Variants in SLC35F3 observed in about 807,000 individuals in gnomAD.
SLC35F3 encodes putative thiamine transporter SLC35F3.
In SLC35F3, 25 loss-of-function variants were observed where a neutral mutation model predicts 49.9. That is an observed-to-expected ratio of 0.50 (90% CI 0.37 to 0.70). The LOEUF is 0.70. Among genes scored for constraint, SLC35F3 ranks in the 30% least tolerant of loss-of-function variants. The pLI, the probability that SLC35F3 is intolerant of heterozygous loss-of-function variation, is 0.00. For synonymous variants in SLC35F3, 275 were observed against 265.4 expected, an observed-to-expected ratio of 1.04 and a Z score of -0.35; for missense variants, 525 against 639.8, an observed-to-expected ratio of 0.82 and a Z score of 1.94.
intron 2 of SLC35F3, among the ~76,000 whole-genome samples, chr1:234,134,029 C>A (rs1450008729): frequency 1.3e-5 from 2 of 152,074 alleles, no homozygotes; most frequent in Non-Finnish European, 2.9e-5. Context: ...GCGTATAGAC[C>A]ATATGTCAGA....
rs550733178 is a variant in SLC35F3 at position 234,160,940 on chromosome 1, A to G, written c.284-70477A>G. ...CTTTGTCAACAATGCCATGTATGTCATCCATAAAATGCTAAATTAATAGGG... is the reference window on the plus strand; with the variant it reads ...CTTTGTCAACAATGCCATGTATGTCGTCCATAAAATGCTAAATTAATAGGG... On this transcript the variant is annotated intron_variant, in intron 2 of 7. Transcript: ENST00000366618. Among the ~76,000 whole-genome samples, 4 of 152,344 alleles carry G rather than the reference A, an allele frequency of 2.6e-5. 1 individual carries two copies. The South Asian group carries it at 6.2e-4, about 24-fold the overall frequency.
At chr1:234,206,320 C>T (rs983076021) in intron 2 of SLC35F3, among the ~76,000 whole-genome samples, 37 of 152,006 alleles carry the variant, frequency 2.4e-4, no homozygotes, top group Non-Finnish European at 3.8e-4. Context: ...GGAGGAGAGC[C>T]GGTTTCTCAG....
chr1:234,274,896 C>A (rs1257713678), intron 3 of SLC35F3, among the ~76,000 whole-genome samples: 1 of 152,192 alleles, frequency 6.6e-6, no homozygotes, highest in Non-Finnish European at 1.5e-5. Context: ...ATGCAGAATA[C>A]TAGAGAGGGA....
chr1:234,142,631 G>C (rs1415182988), intron 2 of SLC35F3, among the ~76,000 whole-genome samples: 1 of 151,744 alleles, frequency 6.6e-6, no homozygotes, highest in Admixed American at 6.6e-5. Context: ...GTCAGGCTCT[G>C]TGCCTTTGAT....
intron 2 of SLC35F3, among the ~76,000 whole-genome samples, chr1:233,931,734 G>A (rs995356869): frequency 5.9e-5 from 9 of 152,318 alleles, no homozygotes; most frequent in Middle Eastern, 3.4e-3. Flanking sequence ...AGACAGTGTG[G>A]CAATTCCTCA....
chr1:233,978,030 G>A (rs1412016936), intron 2 of SLC35F3, among the ~76,000 whole-genome samples: 6 of 152,304 alleles, frequency 3.9e-5, no homozygotes, highest in South Asian at 2.1e-4. Flanking sequence ...TCAGGTGTCC[G>A]GAAGCTATCC....
At chr1:234,172,283 G>A (rs1666410491) in intron 2 of SLC35F3, among the ~76,000 whole-genome samples, 1 of 152,110 alleles carries the variant, frequency 6.6e-6, no homozygotes. Flanking sequence ...ACCCAGGCTG[G>A]AGTGCAGTGG....
At chr1:233,921,964 A>G (rs1662069827) in intron 2 of SLC35F3, among the ~76,000 whole-genome samples, 1 of 152,130 alleles carries the variant, frequency 6.6e-6, no homozygotes, top group South Asian at 2.1e-4. Context: ...CCTACAAAGG[A>G]CATGAACTCA....
intron 2 of SLC35F3, among the ~76,000 whole-genome samples, chr1:234,098,063 G>A (rs1394619908): frequency 6.6e-6 from 1 of 150,988 alleles, no homozygotes; most frequent in African/African-American, 2.4e-5. Context: ...TTCAGATGGT[G>A]GTGGTAGTGA....
intron 3 of SLC35F3, among the ~76,000 whole-genome samples, chr1:234,259,687 GATA>G (rs199933955): frequency 0.016 from 2,462 of 150,716 alleles, 64 homozygotes; most frequent in African/African-American, 0.056. Flanking sequence ...TAATAATAAT[GATA>G]ATAATAATAA....
chr1:233,924,319 A>G (rs945022152), intron 2 of SLC35F3, among the ~76,000 whole-genome samples: 2 of 152,204 alleles, frequency 1.3e-5, no homozygotes, highest in East Asian at 3.8e-4. Flanking sequence ...CCTCAATTTC[A>G]GAGCCTGTTA....
At chr1:234,039,187 A>C (rs1664185537) in intron 2 of SLC35F3, among the ~76,000 whole-genome samples, 1 of 152,140 alleles carries the variant, frequency 6.6e-6, no homozygotes, top group African/African-American at 2.4e-5. Context: ...AAAAGAGAGG[A>C]GGCTAAATGA....
chr1:234,142,460 A>C (rs139207887), intron 2 of SLC35F3, among the ~76,000 whole-genome samples: 1 of 152,216 alleles, frequency 6.6e-6, no homozygotes, highest in Non-Finnish European at 1.5e-5. Flanking sequence ...GGGCTGCTGC[A>C]GTGAATGACT....
chr1:234,058,447 C>T (rs976647519), intron 2 of SLC35F3, among the ~76,000 whole-genome samples: 2 of 145,416 alleles, frequency 1.4e-5, no homozygotes, highest in Non-Finnish European at 3.0e-5. Context: ...CAGGAACAAG[C>T]AGGCCTCCCA....
At chr1:233,916,655 T>C (rs2102785200) in intron 2 of SLC35F3, among the ~76,000 whole-genome samples, 1 of 152,328 alleles carries the variant, frequency 6.6e-6, no homozygotes, top group Middle Eastern at 3.4e-3. Context: ...ATAGTACTGG[T>C]GTATAAGAAA....
chr1:233,957,009 G>A lies in SLC35F3; in HGVS notation c.283+51251G>A, dbSNP rs1662716545. 6.6e-6 allele frequency among the ~76,000 whole-genome samples: 1 copy of A among 152,236 alleles called. No homozygotes were observed. The highest frequency in any genetic ancestry group is 6.5e-5 in the Admixed American group (1 of 15,288). On this transcript the variant is annotated intron_variant, in intron 2 of 7. Coordinates refer to ENST00000366618, the MANE Select transcript of SLC35F3 (RefSeq NM_173508.4). This position sits in a 1 kb window ranked among gnomAD's most constrained non-coding sequence, Gnocchi z 4.0. The stretch of plus-strand genomic sequence containing the variant: ...TGGAGGGCATCGACCTCTTCTGCTA[G>A]CCACAGGAGCTAACCAGGACTGGAT...
chr1:234,172,463 G>A (rs1395389627), intron 2 of SLC35F3, among the ~76,000 whole-genome samples: 1 of 152,108 alleles, frequency 6.6e-6, no homozygotes, highest in Non-Finnish European at 1.5e-5. Flanking sequence ...ATGACCTCAG[G>A]GGATCCACCC....
At chr1:233,936,258 T>A (rs1662325263) in intron 2 of SLC35F3, among the ~76,000 whole-genome samples, 1 of 152,172 alleles carries the variant, frequency 6.6e-6, no homozygotes, top group African/African-American at 2.4e-5. Context: ...AGAAAGGAGA[T>A]GTTATTGATA....
At chr1:234,238,532 G>C (rs1162545122) in intron 3 of SLC35F3, among the ~76,000 whole-genome samples, 1 of 152,090 alleles carries the variant, frequency 6.6e-6, no homozygotes, top group East Asian at 1.9e-4. Context: ...TTTACACCAG[G>C]TCCCACCACT....
Sources: gnomAD v4.1 joint callset for allele counts (sites outside exome capture counted in the v4.1 genomes callset) on GRCh38, gnomAD v4.1.1 for gene constraint, Gnocchi (gnomAD v3.1) non-coding constraint, MANE v1.5 for transcripts, NCBI Gene and HGNC (gene_info 2026-07-23, HGNC 2026-07-21) for gene names.